Variants in LRRC4C observed in about 807,000 individuals in gnomAD.
LRRC4C encodes the protein leucine-rich repeat-containing protein 4C.
In LRRC4C, 5 loss-of-function variants were observed where a neutral mutation model predicts 33.6. That is an observed-to-expected ratio of 0.15 (90% CI 0.08 to 0.31). The LOEUF is 0.31. Among genes scored for constraint, LRRC4C ranks in the 10% least tolerant of loss-of-function variants. The probability of loss-of-function intolerance (pLI) is 1.00; values close to 1 mark genes in which losing one functional copy is unlikely to be tolerated. For synonymous variants in LRRC4C, 329 were observed against 302.0 expected (o/e 1.09, Z -0.93); for missense variants, 560 against 796.7 (o/e 0.70, Z 3.58).
chr11:40,801,919 TAA>T (rs1303587656), intron 2 of LRRC4C, among the ~76,000 whole-genome samples: 2 of 152,158 alleles, frequency 1.3e-5, no homozygotes. Context: ...GAATCTAAAT[TAA>T]AATATGTCAC....
At chr11:41,176,529 A>G (rs991296480) in intron 1 of LRRC4C, among the ~76,000 whole-genome samples, 3 of 152,160 alleles carry the variant, frequency 2.0e-5, no homozygotes, top group Non-Finnish European at 4.4e-5. Flanking sequence ...TAGACATGGT[A>G]TATATAGCAG....
chr11:40,739,693 T>C (rs898888671), intron 2 of LRRC4C, among the ~76,000 whole-genome samples: 6 of 151,956 alleles, frequency 3.9e-5, no homozygotes, highest in Non-Finnish European at 7.4e-5. Context: ...TGATATCTGA[T>C]ACGGTTATAA....
At chr11:40,477,125 C>A (rs909957289) in intron 3 of LRRC4C, among the ~76,000 whole-genome samples, 1 of 152,180 alleles carries the variant, frequency 6.6e-6, no homozygotes, top group Non-Finnish European at 1.5e-5. Flanking sequence ...GCACTTGTGC[C>A]ATTAAATTTG....
At chr11:40,148,259 A>G (rs942459771) in intron 5 of LRRC4C, among the ~76,000 whole-genome samples, 3 of 152,160 alleles carry the variant, frequency 2.0e-5, no homozygotes, top group African/African-American at 7.2e-5. Flanking sequence ...GAATTGCCGC[A>G]CTGTTTTCCA....
At chr11:40,860,301 G>T (rs1041080708) in intron 2 of LRRC4C, among the ~76,000 whole-genome samples, 4 of 151,830 alleles carry the variant, frequency 2.6e-5, no homozygotes, top group African/African-American at 7.3e-5. Context: ...ATTTCCTAGG[G>T]CTGCCATCAT....
At chr11:40,369,836 G>T (rs1169806509) in intron 3 of LRRC4C, among the ~76,000 whole-genome samples, 4 of 152,098 alleles carry the variant, frequency 2.6e-5, no homozygotes, top group African/African-American at 9.7e-5. Context: ...TTTTAAAATA[G>T]ATATTAGAAT....
chr11:40,363,968 G>A (rs564678355), intron 3 of LRRC4C, among the ~76,000 whole-genome samples: 32 of 152,190 alleles, frequency 2.1e-4, no homozygotes, highest in Admixed American at 5.2e-4. Context: ...CATCATATTC[G>A]TACATATTTT....
chr11:40,389,585 G>A (rs753783023), intron 3 of LRRC4C, among the ~76,000 whole-genome samples: 5 of 152,126 alleles, frequency 3.3e-5, no homozygotes, highest in Non-Finnish European at 5.9e-5. Context: ...AAAAGAGAGA[G>A]AAGGATTTTA....
chr11:40,833,231 G>C (rs753137240), intron 2 of LRRC4C, among the ~76,000 whole-genome samples: 1 of 152,086 alleles, frequency 6.6e-6, no homozygotes, highest in South Asian at 2.1e-4. Context: ...CTCAGATAAA[G>C]TCTCTGCTGG....
At chr11:40,963,611 G>C (rs897368250) in intron 1 of LRRC4C, among the ~76,000 whole-genome samples, 12 of 151,470 alleles carry the variant, frequency 7.9e-5, no homozygotes, top group African/African-American at 2.9e-4. Flanking sequence ...TTTTTCTGTG[G>C]GTCTATTATT....
chr11:41,057,401 A>C (rs542307696), intron 1 of LRRC4C, among the ~76,000 whole-genome samples: 1 of 152,078 alleles, frequency 6.6e-6, no homozygotes, highest in African/African-American at 2.4e-5. Context: ...ACCTCTCGAC[A>C]CCTATAGCCT....
intron 1 of LRRC4C, among the ~76,000 whole-genome samples, chr11:41,316,478 A>T (rs770248647): frequency 6.6e-6 from 1 of 152,088 alleles, no homozygotes; most frequent in Non-Finnish European, 1.5e-5. Flanking sequence ...TGTGATTTCT[A>T]TATTTCTATT....
rs79504609 is a variant in LRRC4C at position 40,420,903 on chromosome 11, A to G, written c.-269-101182T>C. On this transcript the variant is annotated intron_variant, in intron 3 of 6. Transcript: ENST00000528697. ...ATTAACATGTTTGTAGAATAAAAACATTTAACTCACCACCATTAACACTAC... is the reference window on the plus strand; with the variant it reads ...ATTAACATGTTTGTAGAATAAAAACGTTTAACTCACCACCATTAACACTAC... Among the ~76,000 whole-genome samples the G allele has an allele frequency of 5.0e-3, 761 of 152,348 alleles. 12 individuals are homozygous for G. The highest frequency in any genetic ancestry group is 0.018 in the African/African-American group (737 of 41,592).
chr11:40,455,578 C>T (rs1314523619), intron 3 of LRRC4C, among the ~76,000 whole-genome samples: 2 of 152,124 alleles, frequency 1.3e-5, no homozygotes, highest in Non-Finnish European at 2.9e-5. Flanking sequence ...TTCATCTGTC[C>T]TATTCTCTTT....
chr11:40,699,395 T>TA (rs932455131), intron 2 of LRRC4C, among the ~76,000 whole-genome samples: 2 of 152,164 alleles, frequency 1.3e-5, no homozygotes, highest in Non-Finnish European at 2.9e-5. Flanking sequence ...TACTATTTTT[T>TA]AAAAATCATT....
At chr11:41,020,591 G>T (rs1238697161) in intron 1 of LRRC4C, among the ~76,000 whole-genome samples, 1 of 152,108 alleles carries the variant, frequency 6.6e-6, no homozygotes, top group Non-Finnish European at 1.5e-5. Flanking sequence ...GGCAAGTATT[G>T]CTAGCAGCCC....
At chr11:41,435,428 A>G (rs1365047869) in intron 1 of LRRC4C, among the ~76,000 whole-genome samples, 2 of 152,212 alleles carry the variant, frequency 1.3e-5, no homozygotes, top group Non-Finnish European at 2.9e-5. Flanking sequence ...ATAATCTATT[A>G]CTAAAGAGAA....
chr11:40,980,937 C>A (rs1028061951), intron 1 of LRRC4C, among the ~76,000 whole-genome samples: 5 of 152,138 alleles, frequency 3.3e-5, no homozygotes, highest in African/African-American at 9.7e-5. Flanking sequence ...TCAGGCTCTA[C>A]AAATCTAATT....
At chr11:41,151,015 AAC>A (rs150938436) in intron 1 of LRRC4C, among the ~76,000 whole-genome samples, 26 of 150,394 alleles carry the variant, frequency 1.7e-4, no homozygotes, top group Non-Finnish European at 1.9e-4. Context: ...TGCTCCCTGC[AAC>A]ACACACACAC....
Sources: gnomAD v4.1 joint callset for allele counts (sites outside exome capture counted in the v4.1 genomes callset) on GRCh38, gnomAD v4.1.1 for gene constraint, MANE v1.5 for transcripts, NCBI Gene and HGNC (gene_info 2026-07-23, HGNC 2026-07-21) for gene names.